The following STAB2 variants were observed in gnomAD, a reference collection of about 807,000 sequenced individuals.
STAB2 encodes the protein stabilin-2.
In STAB2, 288 loss-of-function variants were observed where a neutral mutation model predicts 338.1. The ratio of observed to expected loss-of-function variants is 0.85; its 90% confidence interval spans 0.77 to 0.94. The LOEUF (loss-of-function observed/expected upper bound fraction) is 0.94, where lower values mean the gene tolerates loss of function less well. STAB2 is among the 40% of genes least tolerant of loss of function. The pLI is 0.00. For missense variants in STAB2, 3,141 were observed against 3,210.1 expected, an observed-to-expected ratio of 0.98 and a Z score of 0.52; for synonymous variants, 1,202 against 1,193.3, an observed-to-expected ratio of 1.01 and a Z score of -0.15.
intron 46 of STAB2, 97 bp from the exon 47 acceptor site, chr12:103,727,170 G>T: frequency 7.8e-7 from 1 of 1,276,736 alleles, no homozygotes. Flanking sequence ...TCCAGTCTTT[G>T]CTTCACCCAG....
At position 103,730,238 on chromosome 12, in the gene STAB2, CA is replaced by C; in HGVS notation, c.5207del (p.Asn1736ThrfsTer24). 6.2e-7 allele frequency: 1 copy of C among 1,613,596 alleles called. No homozygotes were observed. The highest frequency in any genetic ancestry group is 8.5e-7 in the Non-Finnish European group (1 of 1,179,788). On this transcript the variant is annotated frameshift_variant, in exon 49 of 69. Transcript: ENST00000388887. LOFTEE classifies it high-confidence loss of function. ...AAAATTTGCTTATCACTCCCAAAGA[CA>C]ACTCTGGAAGAATTCTGGTAGGTAA... ...PKNLLITPKD[N>X]SGRILQNLTT... is the part of the protein sequence containing the mutation.
At chr12:103,611,990 T>C (rs1162909665) in intron 3 of STAB2, among the ~76,000 whole-genome samples, 3 of 152,328 alleles carry the variant, frequency 2.0e-5, no homozygotes, top group South Asian at 2.1e-4. Flanking sequence ...AAAATTCTTT[T>C]CTTTAAGAAT....
At chr12:103,636,894 CAAAT>C (rs1268241909) in intron 6 of STAB2, among the ~76,000 whole-genome samples, 1 of 152,078 alleles carries the variant, frequency 6.6e-6, no homozygotes, top group Non-Finnish European at 1.5e-5. Context: ...CAAAATCAGA[CAAAT>C]AAATGTTATA....
chr12:103,690,628 A>C, intron 30 of STAB2, 90 bp downstream of exon 30: 2 of 1,080,178 alleles, frequency 1.9e-6, no homozygotes, highest in East Asian at 2.5e-5. Flanking sequence ...GGGAACTTCC[A>C]AACATGCGCA....
At chr12:103,611,571 G>C (rs1379965325) in intron 3 of STAB2, among the ~76,000 whole-genome samples, 16 of 152,008 alleles carry the variant, frequency 1.1e-4, no homozygotes, top group African/African-American at 3.9e-4. Flanking sequence ...TTATTTTGAG[G>C]CTTTGTGTGT....
At chr12:103,765,178 T>C (rs1884846772) in intron 68 of STAB2, among the ~76,000 whole-genome samples, 1 of 151,678 alleles carries the variant, frequency 6.6e-6, no homozygotes, top group African/African-American at 2.4e-5. Context: ...ATCACCTTCA[T>C]TTAAAAAGCA....
At position 103,765,975 on chromosome 12, in the gene STAB2, G is replaced by A. The variant is rs138989232; in HGVS notation, c.7606-311G>A. ...AGGTGCTTATACCTTGCTAAATGTA[G>A]GCTCTAATTTAATCCTCCTACCTCC... On this transcript the variant is annotated intron_variant, in intron 68 of 68. Coordinates refer to ENST00000388887, the MANE Select transcript of STAB2 (RefSeq NM_017564.10). The A allele has an allele frequency of 2.4e-3, 1,111 of 471,700 alleles. 2 individuals are homozygous for A. The highest frequency in any genetic ancestry group is 3.7e-3 in the Non-Finnish European group (937 of 250,552). The allele number at this position is 471,700 out of a possible 1,614,324, so 29.2% of individuals were successfully genotyped here. A position where few individuals can be genotyped will look rare whatever the true frequency, so the allele number is the denominator to read the frequency against.
Position 103,708,451 on chromosome 12 carries a change from T to C in STAB2, c.4203T>C (p.Cys1401=). The C allele has an allele frequency of 6.2e-7, 1 of 1,614,104 alleles. No homozygotes were observed. Among genetic ancestry groups the C allele is most frequent in the Non-Finnish European group, 8.5e-7 (1 of 1,179,970 alleles). ...GATTTTCCCACTTAGCATGTTCTTG[T>C]GTCCATGGGAGATGCAACCAAGGAC... ...YGIHCDQACS[C]VHGRCNQGPL... is the part of the protein sequence containing the mutation. Residue 1401 remains cysteine (C), a synonymous_variant, in exon 39 of 69, where the codon TGT becomes TGC. Coordinates refer to ENST00000388887, the MANE Select transcript of STAB2 (RefSeq NM_017564.10).
chr12:103,643,585 G>A (rs1258079181), intron 9 of STAB2, among the ~76,000 whole-genome samples: 2 of 152,110 alleles, frequency 1.3e-5, no homozygotes, highest in African/African-American at 2.4e-5. Context: ...GTCCAGAACT[G>A]TGATAAGGAT....
At chr12:103,765,359 T>C (rs1467996567) in intron 68 of STAB2, among the ~76,000 whole-genome samples, 1 of 152,176 alleles carries the variant, frequency 6.6e-6, no homozygotes, top group Non-Finnish European at 1.5e-5. Flanking sequence ...GGCAAAAACA[T>C]TCCAGAATCC....
chr12:103,737,700 G>C lies in STAB2; in HGVS notation c.5617G>C (p.Val1873Leu). 1.2e-6 allele frequency: 2 copies of C among 1,612,136 alleles called. No individual in the cohort carries two copies. The highest frequency in any genetic ancestry group is 1.7e-6 in the Non-Finnish European group (2 of 1,179,376). The stretch of plus-strand genomic sequence containing the variant: ...GCGGGAGCTCTTGTTTGACCTGGGT[G>C]TGGCCTACGGCATTGACTGTCTGCT... ...VQRELLFDLG[V>L]AYGIDCLLID... is the part of the protein sequence containing the mutation. The change falls in exon 53 of 69, where the codon GTG becomes CTG. Residue 1873 changes from valine to leucine, a missense_variant. Coordinates refer to ENST00000388887, the MANE Select transcript of STAB2 (RefSeq NM_017564.10).
intron 3 of STAB2, among the ~76,000 whole-genome samples, chr12:103,602,403 G>A (rs1956967104): frequency 1.3e-5 from 2 of 152,158 alleles, no homozygotes; most frequent in African/African-American, 2.4e-5. Context: ...CCAGTTTGGG[G>A]CAATTAAGAA....
chr12:103,658,188 G>T (rs1874333389), intron 15 of STAB2, among the ~76,000 whole-genome samples: 1 of 152,204 alleles, frequency 6.6e-6, no homozygotes, highest in East Asian at 1.9e-4. Flanking sequence ...ACAGTTCAAG[G>T]TCAAATTATC....
intron 53 of STAB2, among the ~76,000 whole-genome samples, chr12:103,739,053 G>T (rs1378737764): frequency 6.6e-6 from 1 of 152,078 alleles, no homozygotes; most frequent in Admixed American, 6.6e-5. Context: ...ACAGCTCACT[G>T]CAGCCTTGAA....
chr12:103,607,616 T>C (rs887110819), intron 3 of STAB2, among the ~76,000 whole-genome samples: 3 of 148,324 alleles, frequency 2.0e-5, no homozygotes, highest in Non-Finnish European at 4.5e-5. Flanking sequence ...AATTCACACC[T>C]ATGAGTGAGA....
At chr12:103,598,093 T>A (rs1292171358) in intron 3 of STAB2, among the ~76,000 whole-genome samples, 2 of 152,186 alleles carry the variant, frequency 1.3e-5, no homozygotes, top group African/African-American at 4.8e-5. Context: ...GGCATTTCCT[T>A]TTTTGCTCTG....
At chr12:103,658,499 A>G (rs753324213) in intron 15 of STAB2, among the ~76,000 whole-genome samples, 5 of 152,166 alleles carry the variant, frequency 3.3e-5, no homozygotes, top group Non-Finnish European at 7.3e-5. Context: ...AAAAGGATAC[A>G]ATAATTAATT....
intron 36 of STAB2, 111 bp from the exon 37 acceptor site, chr12:103,705,521 C>G: frequency 1.2e-6 from 1 of 833,388 alleles, no homozygotes. Flanking sequence ...CCTTCTCTTC[C>G]CACAACACTT....
intron 18 of STAB2, among the ~76,000 whole-genome samples, chr12:103,664,174 C>T (rs373649200): frequency 1.3e-5 from 2 of 149,568 alleles, no homozygotes; most frequent in African/African-American, 2.5e-5. Flanking sequence ...GACAGAGTCT[C>T]GCTCTGTTGC....
Sources: gnomAD v4.1 joint callset for allele counts (sites outside exome capture counted in the v4.1 genomes callset) on GRCh38, gnomAD v4.1.1 for gene constraint, MANE v1.5 for transcripts, NCBI Gene and HGNC (gene_info 2026-07-23, HGNC 2026-07-21) for gene names.